Variants in ULK4 observed in about 807,000 individuals in gnomAD.
ULK4 encodes unc-51 like kinase 4, also known as inactive serine/threonine-protein kinase ULK4.
In ULK4, 133 loss-of-function variants were observed where a neutral mutation model predicts 160.6. The observed-to-expected ratio is 0.83, with a 90% CI of 0.72 to 0.96. ULK4 has a LOEUF of 0.96. ULK4 is among the 40% of genes least tolerant of loss of function. The pLI, the probability that ULK4 is intolerant of heterozygous loss-of-function variation, is 0.00. For missense variants in ULK4, 1,580 were observed against 1,499.5 expected (o/e 1.05, Z -0.89); for synonymous variants, 534 against 539.8 (o/e 0.99, Z 0.15).
intron 16 of ULK4, among the ~76,000 whole-genome samples, chr3:41,886,055 C>G (rs745591497): frequency 2.0e-5 from 3 of 152,080 alleles, no homozygotes; most frequent in Admixed American, 2.0e-4. Context: ...TCATCTTTCA[C>G]GTGCCTGGTC....
At chr3:41,300,409 C>A (rs2079760566) in intron 35 of ULK4, among the ~76,000 whole-genome samples, 1 of 152,128 alleles carries the variant, frequency 6.6e-6, no homozygotes, top group South Asian at 2.1e-4. Context: ...GCATAAGTTT[C>A]CGCTAAATGT....
intron 32 of ULK4, among the ~76,000 whole-genome samples, chr3:41,507,171 C>A (rs1300424638): frequency 2.2e-5 from 2 of 92,216 alleles, no homozygotes; most frequent in Non-Finnish European, 2.2e-5. Flanking sequence ...ATACTAATAA[C>A]CAGGAGCAAA....
chr3:41,908,475 T>G (rs1165688968), intron 11 of ULK4, among the ~76,000 whole-genome samples: 1 of 152,082 alleles, frequency 6.6e-6, no homozygotes, highest in Non-Finnish European at 1.5e-5. Flanking sequence ...AGATGGAGTC[T>G]TGCTCTGTCA....
intron 34 of ULK4, among the ~76,000 whole-genome samples, chr3:41,448,072 C>T (rs2083344051): frequency 6.6e-6 from 1 of 152,128 alleles, no homozygotes; most frequent in African/African-American, 2.4e-5. Flanking sequence ...ACTTCCTTTC[C>T]TACACAAATA....
At chr3:41,272,583 A>AT (rs200983925) in intron 35 of ULK4, among the ~76,000 whole-genome samples, 27,604 of 143,946 alleles carry the variant, frequency 0.19, 3,369 homozygotes, top group African/African-American at 0.36. Context: ...ACCTTGGTGT[A>AT]TTTTTTTTTT....
At chr3:41,358,758 A>G (rs1291582771) in intron 35 of ULK4, among the ~76,000 whole-genome samples, 1 of 152,038 alleles carries the variant, frequency 6.6e-6, no homozygotes, top group East Asian at 1.9e-4. Flanking sequence ...GGAGAACTGG[A>G]TTTTACTCCG....
intron 35 of ULK4, among the ~76,000 whole-genome samples, chr3:41,317,092 G>A (rs1178102014): frequency 1.5e-3 from 57 of 38,538 alleles, no homozygotes; most frequent in African/African-American, 7.2e-3. Context: ...TTTTTGAGAC[G>A]GAGTCTCGCT....
At chr3:41,474,590 AT>A (rs753211293) in intron 32 of ULK4, among the ~76,000 whole-genome samples, 1 of 152,110 alleles carries the variant, frequency 6.6e-6, no homozygotes, top group Non-Finnish European at 1.5e-5. Context: ...GAGAGAAAAT[AT>A]GTGCAAGCCA....
intron 35 of ULK4, among the ~76,000 whole-genome samples, chr3:41,353,730 TAC>T (rs2080969204): frequency 2.0e-5 from 3 of 149,630 alleles, no homozygotes; most frequent in South Asian, 4.2e-4. Flanking sequence ...CTACTACTAC[TAC>T]TACTACTACT....
intron 29 of ULK4, among the ~76,000 whole-genome samples, chr3:41,674,741 A>T (rs1485663235): frequency 6.6e-6 from 1 of 152,212 alleles, no homozygotes; most frequent in Non-Finnish European, 1.5e-5. Flanking sequence ...GAGAGAGTCA[A>T]TGCATGACAC....
chr3:41,476,609 C>CT lies in ULK4; in HGVS notation c.3227-13357dup, dbSNP rs1232840095. On this transcript the variant is annotated intron_variant, in intron 32 of 36. Transcript: ENST00000301831. ...ACCCCTGGGAAACATTAAGCCATTCCTTTTTTTTTTATTTTTTCCTCTCTT... is the reference window on the plus strand; with the variant it reads ...ACCCCTGGGAAACATTAAGCCATTCCTTTTTTTTTTTATTTTTTCCTCTCTT... 2.9e-3 allele frequency among the ~76,000 whole-genome samples: 439 copies of CT among 149,474 alleles called. 3 individuals are homozygous for CT. Among genetic ancestry groups the CT allele is most frequent in the Middle Eastern group, 0.014 (4 of 284 alleles).
chr3:41,506,767 AATATATATAT>A lies in ULK4; in HGVS notation c.3227-43524_3227-43515del, dbSNP rs71075470. The stretch of plus-strand genomic sequence containing the variant: ...AGCAATACACTGGAGTGTGATTTAA[AATATATATAT>A]ATATATATATATATATATATATATA... On this transcript the variant is annotated intron_variant, in intron 32 of 36. Coordinates refer to ENST00000301831, the MANE Select transcript of ULK4 (RefSeq NM_017886.4). Among the ~76,000 whole-genome samples the A allele has an allele frequency of 1.0e-3, 59 of 56,794 alleles. 7 individuals are homozygous for A. Among genetic ancestry groups the A allele is most frequent in the African/African-American group, 3.8e-3 (47 of 12,248 alleles). The allele number at this position is 56,794 out of a possible 152,430, so 37.3% of individuals were successfully genotyped here. A position where few individuals can be genotyped will look rare whatever the true frequency, so the allele number is the denominator to read the frequency against.
At chr3:41,805,611 G>T (rs1165065684) in intron 19 of ULK4, among the ~76,000 whole-genome samples, 2 of 150,944 alleles carry the variant, frequency 1.3e-5, no homozygotes, top group Non-Finnish European at 3.0e-5. Flanking sequence ...TATGATACTG[G>T]CTGTGGGTTT....
intron 35 of ULK4, among the ~76,000 whole-genome samples, chr3:41,338,911 C>T (rs1559532327): frequency 6.6e-6 from 1 of 151,842 alleles, no homozygotes; most frequent in Non-Finnish European, 1.5e-5. Context: ...AGAGTGAATC[C>T]TCCCTTCTCC....
chr3:41,673,673 A>AATAT lies in ULK4; in HGVS notation c.2978+7831_2978+7834dup, dbSNP rs546918279. 7.4e-5 allele frequency among the ~76,000 whole-genome samples: 11 copies of AATAT among 148,788 alleles called. No individual in the cohort carries two copies. The East Asian group carries it at 1.8e-3, about 24-fold the overall frequency. ...TCTCTTTTCAATACACTCAAACCTA[A>AATAT]ATATATATATATATACATACATACA... On this transcript the variant is annotated intron_variant, in intron 29 of 36. Coordinates refer to ENST00000301831, the MANE Select transcript of ULK4 (RefSeq NM_017886.4).
chr3:41,593,922 A>G (rs1385203054), intron 31 of ULK4, among the ~76,000 whole-genome samples: 2 of 151,430 alleles, frequency 1.3e-5, no homozygotes, highest in African/African-American at 4.9e-5. Context: ...AGTCCCAGCT[A>G]CCGGGGTTGG....
rs569602181 is a variant in ULK4 at position 41,570,026 on chromosome 3, T to C, written c.3121-3896A>G. On this transcript the variant is annotated intron_variant, in intron 31 of 36. Coordinates refer to ENST00000301831, the MANE Select transcript of ULK4 (RefSeq NM_017886.4). Reference sequence around the variant, plus strand: ...CTAGATGGTGAGGCTTCTAATGGCCTGCGTATCAGAGTGAGAACATGAAGC... The same window carrying C: ...CTAGATGGTGAGGCTTCTAATGGCCCGCGTATCAGAGTGAGAACATGAAGC... Among the ~76,000 whole-genome samples the C allele has an allele frequency of 1.2e-3, 179 of 152,308 alleles. 1 individual carries two copies. Among genetic ancestry groups the C allele is most frequent in the Non-Finnish European group, 2.1e-3 (146 of 68,014 alleles).
chr3:41,514,015 A>C (rs2085671363), intron 32 of ULK4, among the ~76,000 whole-genome samples: 1 of 152,220 alleles, frequency 6.6e-6, no homozygotes, highest in Admixed American at 6.5e-5. Context: ...CTTTTCATAA[A>C]ACTGGGTTCC....
chr3:41,499,893 TTC>T (rs1386558140), intron 32 of ULK4, among the ~76,000 whole-genome samples: 1 of 152,244 alleles, frequency 6.6e-6, no homozygotes, highest in African/African-American at 2.4e-5. Flanking sequence ...AATTCAGACT[TTC>T]TACTCCTTCA....
Sources: allele counts gnomAD v4.1 joint callset (sites outside exome capture counted in the v4.1 genomes callset), GRCh38; gene constraint gnomAD v4.1.1; transcripts MANE v1.5; gene names NCBI Gene and HGNC (gene_info 2026-07-23, HGNC 2026-07-21).